The following LRBA variants were observed in gnomAD, a reference collection of about 807,000 sequenced individuals.
LRBA encodes the protein LPS responsive beige-like anchor protein, also known as lipopolysaccharide-responsive and beige-like anchor protein.
Under a neutral mutation model 330.0 loss-of-function variants are expected in LRBA, and 176 were observed. The observed-to-expected ratio is 0.53, with a 90% CI of 0.47 to 0.60. The LOEUF is 0.60. LRBA is among the 20% of genes least tolerant of loss of function. LRBA has a pLI of 0.00. For missense variants in LRBA, 3,259 were observed against 3,444.8 expected (o/e 0.95, Z 1.35); for synonymous variants, 1,230 against 1,193.0 (o/e 1.03, Z -0.64).
chr4:150,489,684 A>G (rs1213937566), intron 41 of LRBA, among the ~76,000 whole-genome samples: 1 of 116,298 alleles, frequency 8.6e-6, no homozygotes, highest in Non-Finnish European at 1.7e-5. Context: ...TATTATATAT[A>G]AGAATATATT....
chr4:150,484,728 T>A (rs1454678280), intron 42 of LRBA, among the ~76,000 whole-genome samples: 1 of 151,840 alleles, frequency 6.6e-6, no homozygotes, highest in Non-Finnish European at 1.5e-5. Context: ...TTTTAGGCAA[T>A]GATCCTCTCC....
At chr4:150,699,505 G>A (rs774729393) in intron 36 of LRBA, among the ~76,000 whole-genome samples, 4 of 152,152 alleles carry the variant, frequency 2.6e-5, no homozygotes, top group African/African-American at 9.7e-5. Context: ...TCCAGCAATA[G>A]TGTAGATAGG....
intron 2 of LRBA, among the ~76,000 whole-genome samples, chr4:150,954,304 T>C (rs960074912): frequency 2.6e-5 from 4 of 152,038 alleles, no homozygotes; most frequent in Admixed American, 2.0e-4. Context: ...ATGATGACGA[T>C]GGCGGTTTTG....
chr4:150,871,736 C>T (rs899845157), intron 18 of LRBA, among the ~76,000 whole-genome samples: 3 of 151,906 alleles, frequency 2.0e-5, no homozygotes, highest in African/African-American at 7.2e-5. Flanking sequence ...ATCTTCAGAG[C>T]AGTTATTTAT....
intron 47 of LRBA, among the ~76,000 whole-genome samples, chr4:150,351,803 C>T (rs762306963): frequency 7.2e-5 from 11 of 152,170 alleles, no homozygotes; most frequent in Admixed American, 2.0e-4. Flanking sequence ...AAACCCTATA[C>T]CTATATGTAC....
chr4:150,323,416 C>A (rs1241283292), intron 49 of LRBA, among the ~76,000 whole-genome samples: 1 of 152,166 alleles, frequency 6.6e-6, no homozygotes, highest in East Asian at 1.9e-4. Context: ...ACAGCTCATA[C>A]TATAAATATA....
At chr4:150,943,186 A>T (rs920951110) in intron 2 of LRBA, among the ~76,000 whole-genome samples, 13 of 152,232 alleles carry the variant, frequency 8.5e-5, no homozygotes, top group Admixed American at 3.9e-4. Context: ...TGATAGAATT[A>T]CCAGAGCTTT....
chr4:150,436,642 A>G, intron 45 of LRBA, 82 bp downstream of exon 45: 6 of 1,159,204 alleles, frequency 5.2e-6, no homozygotes, highest in Non-Finnish European at 7.3e-6. Flanking sequence ...TCAAAAAAAT[A>G]TGCTTATGAG....
intron 17 of LRBA, among the ~76,000 whole-genome samples, chr4:150,889,877 C>T (rs1729297943): frequency 6.6e-6 from 1 of 150,772 alleles, no homozygotes. Context: ...TAACCACAGA[C>T]AATATTTAAA....
intron 28 of LRBA, among the ~76,000 whole-genome samples, chr4:150,839,341 G>A (rs1344724956): frequency 6.6e-6 from 1 of 152,166 alleles, no homozygotes; most frequent in Admixed American, 6.6e-5. Flanking sequence ...ATTCCTCAGG[G>A]ATCTAGAACT....
At chr4:150,561,780 T>C (rs967991211) in intron 40 of LRBA, among the ~76,000 whole-genome samples, 2 of 152,106 alleles carry the variant, frequency 1.3e-5, no homozygotes, top group African/African-American at 2.4e-5. Flanking sequence ...TAATATATAT[T>C]CTATTTTCTT....
chr4:150,533,349 T>C (rs1227407338), intron 40 of LRBA, among the ~76,000 whole-genome samples: 3 of 152,022 alleles, frequency 2.0e-5, no homozygotes, highest in Admixed American at 6.6e-5. Context: ...ATTTTTTAAT[T>C]TTTTTTAAGA....
At chr4:150,358,657 T>C (rs1383281047) in intron 47 of LRBA, among the ~76,000 whole-genome samples, 2 of 152,112 alleles carry the variant, frequency 1.3e-5, no homozygotes, top group African/African-American at 2.4e-5. Context: ...TTTAAAGTGG[T>C]CAATTATCCA....
chr4:150,697,338 A>G (rs1483822452), intron 36 of LRBA, among the ~76,000 whole-genome samples: 5 of 148,410 alleles, frequency 3.4e-5, no homozygotes, highest in African/African-American at 9.9e-5. Context: ...AAAAAAAAAA[A>G]AAAAAAAAAA....
chr4:150,663,561 AAAG>A (rs1179771361), intron 37 of LRBA, among the ~76,000 whole-genome samples: 4 of 151,974 alleles, frequency 2.6e-5, no homozygotes. Context: ...GAAAAAAAAA[AAAG>A]AAGAGAAAAA....
At chr4:150,438,065 A>G (rs888127649) in intron 44 of LRBA, among the ~76,000 whole-genome samples, 2 of 152,222 alleles carry the variant, frequency 1.3e-5, no homozygotes, top group Admixed American at 1.3e-4. Context: ...GTTAAGATCA[A>G]CTGCTTTAAG....
chr4:150,383,468 G>A (rs1364027858), intron 47 of LRBA, among the ~76,000 whole-genome samples: 1 of 152,052 alleles, frequency 6.6e-6, no homozygotes, highest in Non-Finnish European at 1.5e-5. Context: ...TGCCCAGGCT[G>A]GTCTTGAACT....
At chr4:150,587,552 G>A (rs1487506158) in intron 40 of LRBA, among the ~76,000 whole-genome samples, 1 of 152,160 alleles carries the variant, frequency 6.6e-6, no homozygotes, top group Non-Finnish European at 1.5e-5. Flanking sequence ...AAATTATGCA[G>A]TGCCTTGTAA....
chr4:150,266,665 G>A (rs982053416), intron 56 of LRBA, among the ~76,000 whole-genome samples: 15 of 152,116 alleles, frequency 9.9e-5, no homozygotes, highest in African/African-American at 3.1e-4. Context: ...GGAAATGAGA[G>A]ACAAAACTCT....
Sources: gnomAD v4.1 joint callset for allele counts (sites outside exome capture counted in the v4.1 genomes callset) on GRCh38, gnomAD v4.1.1 for gene constraint, MANE v1.5 for transcripts, NCBI Gene and HGNC (gene_info 2026-07-23, HGNC 2026-07-21) for gene names.